The following ZSWIM6 variants were observed in gnomAD, a reference collection of about 807,000 sequenced individuals.
The protein encoded by ZSWIM6 is zinc finger SWIM domain-containing protein 6.
ZSWIM6 carries 9 observed loss-of-function variants against 113.2 expected under a neutral mutation model. The observed-to-expected ratio is 0.08, with a 90% CI of 0.05 to 0.14. The LOEUF (loss-of-function observed/expected upper bound fraction) is 0.14, where lower values mean the gene tolerates loss of function less well. Ranked by LOEUF, ZSWIM6 falls within the 10% of genes least tolerant of loss-of-function variation. The pLI is 1.00. For missense variants in ZSWIM6, 1,162 were observed against 1,552.2 expected, an observed-to-expected ratio of 0.75 and a Z score of 4.22; for synonymous variants, 611 against 606.5, an observed-to-expected ratio of 1.01 and a Z score of -0.11.
chr5:61,506,468 G>A (rs766075659), intron 4 of ZSWIM6, among the ~76,000 whole-genome samples: 40 of 151,936 alleles, frequency 2.6e-4, no homozygotes, highest in African/African-American at 6.8e-4. Flanking sequence ...TTGTAATCCC[G>A]GCTACTTGGG....
intron 1 of ZSWIM6, among the ~76,000 whole-genome samples, chr5:61,336,370 TAAAA>T (rs201812515): frequency 6.6e-6 from 1 of 150,554 alleles, no homozygotes; most frequent in African/African-American, 2.4e-5. Context: ...AGAAGTTACA[TAAAA>T]AAAAAATTTC....
intron 1 of ZSWIM6, among the ~76,000 whole-genome samples, chr5:61,457,788 G>A (rs527431150): frequency 3.0e-4 from 45 of 152,254 alleles, no homozygotes; most frequent in African/African-American, 1.0e-3. Flanking sequence ...CTCCTAAAGT[G>A]CTGGGATTAC....
intron 1 of ZSWIM6, among the ~76,000 whole-genome samples, chr5:61,450,637 C>T (rs1050709306): frequency 7.2e-5 from 11 of 152,058 alleles, no homozygotes; most frequent in Non-Finnish European, 1.3e-4. Flanking sequence ...TTATACTTCA[C>T]TGTACTATGA....
chr5:61,399,216 C>T (rs1410555388), intron 1 of ZSWIM6, among the ~76,000 whole-genome samples: 4 of 146,384 alleles, frequency 2.7e-5, no homozygotes, highest in South Asian at 4.4e-4. Context: ...TGAGCCACTG[C>T]GCCTGGCTGT....
At chr5:61,511,409 C>G (rs1748783182) in intron 4 of ZSWIM6, among the ~76,000 whole-genome samples, 2 of 152,006 alleles carry the variant, frequency 1.3e-5, no homozygotes, top group Admixed American at 6.6e-5. Context: ...TTTTAAGGAC[C>G]TCAACCTCTC....
intron 2 of ZSWIM6, among the ~76,000 whole-genome samples, chr5:61,474,459 AT>A (rs1747656195): frequency 6.6e-6 from 1 of 152,222 alleles, no homozygotes; most frequent in South Asian, 2.1e-4. Flanking sequence ...AGTAAAATTA[AT>A]TTTGGTAGTA....
intron 2 of ZSWIM6, among the ~76,000 whole-genome samples, chr5:61,487,467 T>C (rs570823406): frequency 6.6e-6 from 1 of 152,202 alleles, no homozygotes; most frequent in South Asian, 2.1e-4. Flanking sequence ...GCGTTGAATC[T>C]GTAGATTGCT....
At chr5:61,523,584 TA>T (rs1455792328) in intron 5 of ZSWIM6, among the ~76,000 whole-genome samples, 4 of 152,334 alleles carry the variant, frequency 2.6e-5, no homozygotes, top group South Asian at 2.1e-4. Context: ...ATTTATCATT[TA>T]AAAAAATTGC....
chr5:61,434,494 T>C (rs1199643453), intron 1 of ZSWIM6, among the ~76,000 whole-genome samples: 3 of 151,674 alleles, frequency 2.0e-5, no homozygotes, highest in East Asian at 1.9e-4. Context: ...ATCATTCTTA[T>C]GCCTTCGCAT....
chr5:61,513,799 A>G (rs919329994), intron 4 of ZSWIM6, among the ~76,000 whole-genome samples: 1 of 152,008 alleles, frequency 6.6e-6, no homozygotes, highest in Non-Finnish European at 1.5e-5. Context: ...TCTGAACTCT[A>G]TTCTGTTCCT....
chr5:61,435,990 TCG>T (rs978526024), intron 1 of ZSWIM6, among the ~76,000 whole-genome samples: 5 of 152,114 alleles, frequency 3.3e-5, no homozygotes, highest in Non-Finnish European at 7.4e-5. Flanking sequence ...TCACCTGAAG[TCG>T]GGAGTTCAAG....
intron 7 of ZSWIM6, among the ~76,000 whole-genome samples, chr5:61,528,616 C>CT (rs1426877261): frequency 1.3e-5 from 2 of 148,570 alleles, no homozygotes; most frequent in Non-Finnish European, 3.0e-5. Flanking sequence ...GACATGGAGT[C>CT]TCGCCCTGTC....
chr5:61,520,231 A>G (rs1043025333), intron 4 of ZSWIM6, among the ~76,000 whole-genome samples: 10 of 152,220 alleles, frequency 6.6e-5, no homozygotes, highest in African/African-American at 2.2e-4. Flanking sequence ...GCATTTAACA[A>G]ATGATTAAAA....
intron 1 of ZSWIM6, among the ~76,000 whole-genome samples, chr5:61,349,244 A>T (rs1744734229): frequency 1.3e-5 from 2 of 152,098 alleles, no homozygotes; most frequent in Admixed American, 1.3e-4. Flanking sequence ...CTTTTTTTGG[A>T]GTGAAAGATG....
At chr5:61,500,631 A>G (rs1355270070) in intron 4 of ZSWIM6, among the ~76,000 whole-genome samples, 1 of 152,146 alleles carries the variant, frequency 6.6e-6, no homozygotes, top group African/African-American at 2.4e-5. Flanking sequence ...ACCCATGTTT[A>G]CAGGGACCCT....
chr5:61,357,338 A>G (rs1244147589), intron 1 of ZSWIM6, among the ~76,000 whole-genome samples: 2 of 152,200 alleles, frequency 1.3e-5, no homozygotes, highest in Admixed American at 1.3e-4. Flanking sequence ...CAAAGATAAT[A>G]CAGTCACTAG....
intron 1 of ZSWIM6, among the ~76,000 whole-genome samples, chr5:61,436,676 C>G (rs1490337369): frequency 6.6e-6 from 1 of 152,092 alleles, no homozygotes; most frequent in African/African-American, 2.4e-5. Flanking sequence ...AATGGATGAC[C>G]CTGGTCCTCA....
Position 61,521,501 on chromosome 5 carries a change from A to G in ZSWIM6, c.1513+59A>G, listed in dbSNP as rs554679260. ...GCTACTTAATTATGCATATGTGCTT[A>G]TAATAGTAACTTACAATGTATATGG... On this transcript the variant is annotated intron_variant, in intron 5 of 13. Coordinates refer to ENST00000252744, the MANE Select transcript of ZSWIM6 (RefSeq NM_020928.2). 8.0e-5 allele frequency: 101 copies of G among 1,269,162 alleles called. No individual in the cohort carries two copies. The African/African-American group carries it at 1.5e-3, about 19-fold the overall frequency. The allele number at this position is 1,269,162 out of a possible 1,614,324, so 78.6% of individuals were successfully genotyped here.
chr5:61,488,546 G>C (rs939442108), intron 2 of ZSWIM6, among the ~76,000 whole-genome samples: 1 of 151,948 alleles, frequency 6.6e-6, no homozygotes, highest in Non-Finnish European at 1.5e-5. Flanking sequence ...CTCATTACTG[G>C]TCTGCTCAGG....
Sources: allele counts gnomAD v4.1 joint callset (sites outside exome capture counted in the v4.1 genomes callset), GRCh38; gene constraint gnomAD v4.1.1; transcripts MANE v1.5; gene names NCBI Gene and HGNC (gene_info 2026-07-23, HGNC 2026-07-21).